RAB3GAP1: variants seen among roughly 807,000 people sequenced by gnomAD.
RAB3GAP1 encodes RAB3 GTPase activating protein catalytic subunit 1.
Under a neutral mutation model 130.7 loss-of-function variants are expected in RAB3GAP1, and 86 were observed. That is an observed-to-expected ratio of 0.66 (90% CI 0.55 to 0.79). The LOEUF (loss-of-function observed/expected upper bound fraction) is 0.79, where lower values mean the gene tolerates loss of function less well. RAB3GAP1 is among the 30% of genes least tolerant of loss of function. RAB3GAP1 has a pLI of 0.00. For synonymous variants in RAB3GAP1, 367 were observed against 401.7 expected (o/e 0.91, Z 1.03); for missense variants, 1,029 against 1,169.4 (o/e 0.88, Z 1.75).
Position 135,113,164 on chromosome 2 carries a change from G to C in RAB3GAP1, c.376G>C (p.Glu126Gln). The change falls in exon 6 of 24, where the codon GAG (glutamate) becomes CAG (glutamine). Residue 126 changes from glutamate to glutamine, a missense_variant. By Grantham distance (29) the Glu-to-Gln change is conservative (BLOSUM62 2). Coordinates refer to ENST00000264158, the MANE Select transcript of RAB3GAP1 (RefSeq NM_012233.3). ...HCLVRWYGLR[E>Q]FVVIAPAAHS... ...TCTTTTTTTAAGGTATGGGCTACGT[G>C]AGTTCGTGGTGATTGCCCCTGCTGC... The C allele has an allele frequency of 6.2e-7, 1 of 1,614,130 alleles. No homozygotes were observed. The highest frequency in any genetic ancestry group is 1.1e-5 in the South Asian group (1 of 91,084).
Position 135,077,338 on chromosome 2 carries a change from A to G in RAB3GAP1, c.151-13660A>G, listed in dbSNP as rs139957504. Among the ~76,000 whole-genome samples, 103 of 152,052 alleles carry G rather than the reference A, an allele frequency of 6.8e-4. 1 individual carries two copies. The highest frequency in any genetic ancestry group is 1.0e-3 in the Non-Finnish European group (71 of 67,992). On this transcript the variant is annotated intron_variant, in intron 3 of 23. Coordinates refer to ENST00000264158, the MANE Select transcript of RAB3GAP1 (RefSeq NM_012233.3). ...CTGTCATCTGTTGCTTCTATAGACT[A>G]TTGCGAATAATGCTACTGTGAACAT...
At chr2:135,116,832 T>C (rs1396832770) in intron 7 of RAB3GAP1, among the ~76,000 whole-genome samples, 1 of 152,204 alleles carries the variant, frequency 6.6e-6, no homozygotes, top group Non-Finnish European at 1.5e-5. Context: ...GTGTTCATTA[T>C]ACTAGTTTTC....
chr2:135,099,377 C>T (rs1216704191), intron 5 of RAB3GAP1, among the ~76,000 whole-genome samples: 2 of 151,470 alleles, frequency 1.3e-5, no homozygotes, highest in East Asian at 3.9e-4. Context: ...GGATATATAA[C>T]CAGCTTTGCA....
intron 5 of RAB3GAP1, among the ~76,000 whole-genome samples, chr2:135,105,994 G>C (rs1251859795): frequency 1.3e-5 from 2 of 150,528 alleles, no homozygotes; most frequent in African/African-American, 4.9e-5. Flanking sequence ...CCCTCCGCCC[G>C]GCAGCTGCCC....
chr2:135,063,204 A>G (rs1471772041), intron 3 of RAB3GAP1, among the ~76,000 whole-genome samples: 1 of 152,068 alleles, frequency 6.6e-6, no homozygotes, highest in Non-Finnish European at 1.5e-5. Context: ...TTTTGTTTTT[A>G]TTGTAAATGA....
At chr2:135,136,577 AT>A in intron 17 of RAB3GAP1, 1 of 342,400 alleles carries the variant, frequency 2.9e-6, no homozygotes, top group Non-Finnish European at 5.1e-6. Flanking sequence ...ATATAAGGTG[AT>A]TTATAAACTG....
intron 13 of RAB3GAP1, among the ~76,000 whole-genome samples, chr2:135,131,802 C>T (rs1157145023): frequency 1.3e-5 from 2 of 152,230 alleles, no homozygotes; most frequent in Non-Finnish European, 2.9e-5. Flanking sequence ...GTGACACTGC[C>T]TGGCATATAT....
At chr2:135,076,529 T>C (rs1416246286) in intron 3 of RAB3GAP1, among the ~76,000 whole-genome samples, 1 of 152,216 alleles carries the variant, frequency 6.6e-6, no homozygotes, top group East Asian at 1.9e-4. Context: ...AATTTTCTAC[T>C]GTCTCATTGG....
chr2:135,114,731 T>C (rs187063794), intron 6 of RAB3GAP1, among the ~76,000 whole-genome samples: 5 of 152,406 alleles, frequency 3.3e-5, no homozygotes, highest in African/African-American at 9.6e-5. Context: ...TGTGCATGAA[T>C]GATGCTTCTG....
chr2:135,060,934 C>A (rs1160731172), intron 3 of RAB3GAP1, among the ~76,000 whole-genome samples: 1 of 150,728 alleles, frequency 6.6e-6, no homozygotes, highest in Non-Finnish European at 1.5e-5. Flanking sequence ...CAATTCCTGG[C>A]CTAAAGCAAT....
chr2:135,147,925 T>C (rs1692048991), intron 17 of RAB3GAP1, among the ~76,000 whole-genome samples: 1 of 152,180 alleles, frequency 6.6e-6, no homozygotes, highest in Non-Finnish European at 1.5e-5. Context: ...CTCAGGCTTC[T>C]TCTTTCCTGA....
In RAB3GAP1 at chr2:135,168,850, A is replaced by C. The variant is rs1029046451; in HGVS notation, c.*69A>C. On this transcript the variant is annotated 3_prime_UTR_variant, in exon 24 of 24. Coordinates refer to ENST00000264158, the MANE Select transcript of RAB3GAP1 (RefSeq NM_012233.3). ...CTCCTCCTGAGGGAGGGAAGGTACCAGGGAGAACCTGGGAGGTCCTGGAGA... is the reference window on the plus strand; with the variant it reads ...CTCCTCCTGAGGGAGGGAAGGTACCCGGGAGAACCTGGGAGGTCCTGGAGA... The C allele has an allele frequency of 7.8e-6, 11 of 1,411,988 alleles. No homozygotes were observed. In the African/African-American group the frequency reaches 1.6e-4, roughly 20 times the overall value. The allele number at this position is 1,411,988 out of a possible 1,614,324, so 87.5% of individuals were successfully genotyped here. A position where few individuals can be genotyped will look rare whatever the true frequency, so the allele number is the denominator to read the frequency against.
At chr2:135,080,568 T>C (rs1397427866) in intron 3 of RAB3GAP1, among the ~76,000 whole-genome samples, 1 of 152,170 alleles carries the variant, frequency 6.6e-6, no homozygotes, top group African/African-American at 2.4e-5. Context: ...AGAAGGCTTA[T>C]TTGTGTTAAC....
intron 18 of RAB3GAP1, 104 bp downstream of exon 18, chr2:135,150,610 T>G: frequency 6.9e-7 from 1 of 1,455,310 alleles, no homozygotes; most frequent in Non-Finnish European, 9.5e-7. Flanking sequence ...TGTCTTTTTG[T>G]TAAGTGTTTG....
intron 3 of RAB3GAP1, among the ~76,000 whole-genome samples, chr2:135,070,889 C>T (rs1474055221): frequency 1.3e-5 from 2 of 152,022 alleles, no homozygotes; most frequent in African/African-American, 4.8e-5. Flanking sequence ...GGGAGGTGGT[C>T]CATAGCTTTT....
chr2:135,126,089 T>C, intron 9 of RAB3GAP1, 92 bp from the exon 10 acceptor site: 1 of 970,982 alleles, frequency 1.0e-6, no homozygotes, highest in Non-Finnish European at 1.6e-6. Flanking sequence ...CACTGTAACA[T>C]ACTTTTATTT....
intron 10 of RAB3GAP1, 50 bp from the exon 11 acceptor site, chr2:135,126,533 C>A: frequency 6.8e-7 from 1 of 1,476,114 alleles, no homozygotes; most frequent in Non-Finnish European, 9.5e-7. Context: ...GTTCATGAAT[C>A]TTGCAGATTG....
In RAB3GAP1 at chr2:135,126,233, G is replaced by T. The variant is rs1691345014; in HGVS notation, c.883G>T (p.Asp295Tyr). 6.2e-7 allele frequency: 1 copy of T among 1,612,152 alleles called. No homozygotes were observed. The highest frequency in any genetic ancestry group is 8.5e-7 in the Non-Finnish European group (1 of 1,178,588). Reference sequence around the variant, plus strand: ...TCATCTGACCGAAGGGATCATTGTGGATAATGATGTTTATTCGTAAGTATG... The same window carrying T: ...TCATCTGACCGAAGGGATCATTGTGTATAATGATGTTTATTCGTAAGTATG... ...WPHLTEGIIV[D>Y]NDVYSDLDPI... is the part of the protein sequence containing the mutation. The change falls in exon 10 of 24, where the codon GAT becomes TAT. Residue 295 changes from aspartate (D) to tyrosine (Y), a missense_variant. Asp to Tyr is a radical substitution (Grantham distance 160, BLOSUM62 -3). Around this residue, in one of 3 missense-constraint regions of RAB3GAP1, gnomAD observed 510 missense variants for 532.1 expected, o/e 0.96. Transcript: ENST00000264158.
Position 135,114,810 on chromosome 2 carries a change from ACTTTAT to A in RAB3GAP1, c.483-400_483-395del, listed in dbSNP as rs752327369. Among the ~76,000 whole-genome samples the A allele has an allele frequency of 1.3e-5, 2 of 152,198 alleles. 1 individual carries two copies. On this transcript the variant is annotated intron_variant, in intron 6 of 23. Coordinates refer to ENST00000264158, the MANE Select transcript of RAB3GAP1 (RefSeq NM_012233.3). ...CAACCTTCTTGTGCTTGGGAGCCTTACTTTATCTTTAAATGATGTGAAAAATATTTC... is the reference window on the plus strand; with the variant it reads ...CAACCTTCTTGTGCTTGGGAGCCTTACTTTAAATGATGTGAAAAATATTTC...
Sources: allele counts gnomAD v4.1 joint callset (sites outside exome capture counted in the v4.1 genomes callset), GRCh38; gene constraint gnomAD v4.1.1; regional missense constraint gnomAD v4.1.1; transcripts MANE v1.5; gene names NCBI Gene and HGNC (gene_info 2026-07-23, HGNC 2026-07-21).